Variants in PLD4 observed in about 807,000 individuals in gnomAD.
PLD4 encodes the protein phospholipase D family member 4.
In PLD4, 54 loss-of-function variants were observed where a neutral mutation model predicts 52.3. The observed-to-expected ratio is 1.03, with a 90% CI of 0.83 to 1.30. The LOEUF is 1.30. Ranked by LOEUF, PLD4 falls within the 50% of genes most tolerant of loss-of-function variation. The pLI, the probability that PLD4 is intolerant of heterozygous loss-of-function variation, is 0.00. For missense variants in PLD4, 731 were observed against 671.1 expected (o/e 1.09, Z -0.99); for synonymous variants, 264 against 286.5 (o/e 0.92, Z 0.79).
chr14:104,937,168 C>T (rs978099055), downstream of PLD4: 1 of 152,238 alleles, frequency 6.6e-6, no homozygotes, highest in African/African-American at 2.4e-5. Context: ...TTCTCTAGAG[C>T]TGCTTAGTAG....
Position 104,932,775 on chromosome 14 carries a change from C to T in PLD4, c.1332C>T (p.Asn444=), listed in dbSNP as rs757079538. The change falls in exon 11 of 11, where the codon AAC becomes AAT. Residue 444 remains asparagine (N), a synonymous_variant. Coordinates refer to ENST00000392593, the MANE Select transcript of PLD4 (RefSeq NM_138790.5). This position sits in a 1 kb window ranked among gnomAD's most constrained non-coding sequence, Gnocchi z 6.5. ...TEKAAYIGTS[N]WSEDYFSSTA... is the part of the protein sequence containing the mutation. ...CCATCCTCCCCGCAGGCACCTCCAA[C>T]TGGTCGGAGGATTACTTCAGCAGCA... 6.3e-7 allele frequency: 1 copy of T among 1,578,432 alleles called. No individual in the cohort carries two copies. The highest frequency in any genetic ancestry group is 1.7e-5 in the Admixed American group (1 of 57,284).
rs188450775 is a variant in PLD4 at position 104,931,858 on chromosome 14, C to T, written c.1029C>T (p.Phe343=). 1.3e-6 allele frequency: 2 copies of T among 1,548,972 alleles called. No individual in the cohort carries two copies. The highest frequency in any genetic ancestry group is 2.3e-5 in the East Asian group (1 of 43,420). Residue 343 remains phenylalanine, a synonymous_variant, in exon 8 of 11, where the codon TTC becomes TTT. Coordinates refer to ENST00000392593, the MANE Select transcript of PLD4 (RefSeq NM_138790.5). ...TCTATGCCTCCGTGATGGAGTATTT[C>T]CCCACCACGCGCTTCAGCCACCCCC... ...EFIYASVMEY[F]PTTRFSHPPR...
Position 104,930,116 on chromosome 14 carries a change from G to A in PLD4, c.717+11G>A. 1 of 1,613,042 alleles carries A rather than the reference G, an allele frequency of 6.2e-7. No homozygotes were observed. The highest frequency in any genetic ancestry group is 8.5e-7 in the Non-Finnish European group (1 of 1,179,890). On this transcript the variant is annotated intron_variant, in intron 6 of 10. Transcript: ENST00000392593. ...CGGTCTCTGACGCAGGTGAGTGCCA[G>A]GGCCCTAACACAGGAGGCCTGCCTG...
Position 104,932,881 on chromosome 14 carries a change from C to T in PLD4, c.1438C>T (p.Leu480Phe). The change falls in exon 11 of 11, where the codon CTC becomes TTC. Residue 480 changes from leucine to phenylalanine, a missense_variant. By Grantham distance (22) the Leu-to-Phe change is conservative (BLOSUM62 0). Coordinates refer to ENST00000392593, the MANE Select transcript of PLD4 (RefSeq NM_138790.5). This position sits in a 1 kb window ranked among gnomAD's most constrained non-coding sequence, Gnocchi z 6.5. ...GATVQEQLRQ[L>F]FERDWSSRYA... is the part of the protein sequence containing the mutation. ...CACGGTGCAGGAGCAGCTGCGGCAG[C>T]TCTTTGAGCGGGACTGGAGTTCGCG... The T allele has an allele frequency of 6.2e-7, 1 of 1,603,906 alleles. No homozygotes were observed. Among genetic ancestry groups the T allele is most frequent in the Non-Finnish European group, 8.5e-7 (1 of 1,176,148 alleles).
intron 3 of PLD4, among the ~76,000 whole-genome samples, chr14:104,928,133 C>G (rs1897519903): frequency 6.6e-6 from 1 of 152,068 alleles, no homozygotes; most frequent in African/African-American, 2.4e-5. Context: ...AGGCTCACCC[C>G]CTCAGTCCTT....
At position 104,927,765 on chromosome 14, in the gene PLD4, C is replaced by T. The variant is rs1897505868; in HGVS notation, c.183C>T (p.Gly61=). 1.3e-6 allele frequency: 2 copies of T among 1,598,480 alleles called. No individual in the cohort carries two copies. Among genetic ancestry groups the T allele is most frequent in the Admixed American group, 3.4e-5 (2 of 58,968 alleles). Residue 61 remains glycine (G), a synonymous_variant, in exon 3 of 11, where the codon GGC becomes GGT. Transcript: ENST00000392593. ...AAGTGCCCCGTCCTCCCACCTGGGG[C>T]CAGGTGCAGCCCAAGGACGTGCCCA... ...LWQVPRPPTW[G]QVQPKDVPRS... is the part of the protein sequence containing the mutation.
chr14:104,928,008 C>T (rs544728405), intron 3 of PLD4, 142 bp downstream of exon 3: 7 of 968,750 alleles, frequency 7.2e-6, no homozygotes, highest in East Asian at 5.4e-5. Flanking sequence ...GGGAGGGCCA[C>T]GACCATATGA....
downstream of PLD4, chr14:104,937,167 G>A (rs987144573): frequency 6.6e-6 from 1 of 152,250 alleles, no homozygotes; most frequent in Non-Finnish European, 1.5e-5. Context: ...GTTCTCTAGA[G>A]CTGCTTAGTA....
intron 1 of PLD4, among the ~76,000 whole-genome samples, chr14:104,926,365 C>A (rs985138632): frequency 1.3e-5 from 2 of 152,190 alleles, no homozygotes; most frequent in Non-Finnish European, 2.9e-5. Context: ...GGCAGCCTGA[C>A]TGCTTGCTTT....
intron 5 of PLD4, 64 bp from the exon 6 acceptor site, chr14:104,929,914 G>A: frequency 6.3e-7 from 1 of 1,583,532 alleles, no homozygotes; most frequent in East Asian, 2.2e-5. Context: ...CTTGGGGTCA[G>A]GCTCACCATG....
intron 3 of PLD4, among the ~76,000 whole-genome samples, chr14:104,928,419 C>A (rs1213809148): frequency 6.6e-6 from 1 of 152,212 alleles, no homozygotes; most frequent in Non-Finnish European, 1.5e-5. Flanking sequence ...GCTTCAGGAG[C>A]AGCTGCTCCC....
Position 104,931,080 on chromosome 14 carries a change from G to A in PLD4, c.918+138G>A. The A allele has an allele frequency of 3.1e-6, 3 of 974,238 alleles. No individual in the cohort carries two copies. In the South Asian group the frequency reaches 4.7e-5, roughly 15 times the overall value. The allele number at this position is 974,238 out of a possible 1,614,324, so 60.3% of individuals were successfully genotyped here. A position where few individuals can be genotyped will look rare whatever the true frequency, so the allele number is the denominator to read the frequency against. ...CCTCAGGCAGCCAGCACCATGGGTG[G>A]GGCTGTGGCCCTGGGGTGAGCAGCA... On this transcript the variant is annotated intron_variant, in intron 7 of 10. Coordinates refer to ENST00000392593, the MANE Select transcript of PLD4 (RefSeq NM_138790.5).
In PLD4 at chr14:104,932,481, C is replaced by G. The variant is rs1897689374; in HGVS notation, c.1321+126C>G. 1 of 1,116,904 alleles carries G rather than the reference C, an allele frequency of 9.0e-7. No individual in the cohort carries two copies. The highest frequency in any genetic ancestry group is 1.3e-6 in the Non-Finnish European group (1 of 781,090). 69.2% of individuals were successfully genotyped at this position (1,116,904 alleles called of 1,614,324 possible). On this transcript the variant is annotated intron_variant, in intron 10 of 10. Transcript: ENST00000392593. The surrounding 1 kb of genome is among the most constrained non-coding windows in gnomAD (Gnocchi z 6.5). ...GGCTGCTGCTGAAGGGGGACGGGGT[C>G]TCCATGGAGTTCCGGGGACCAGGCC...
intron 3 of PLD4, 114 bp downstream of exon 3, chr14:104,927,980 G>T: frequency 8.3e-7 from 1 of 1,211,784 alleles, no homozygotes. Flanking sequence ...AGCTCCTCCA[G>T]GAAGGTGCAG....
chr14:104,926,513 G>A (rs1214434234), intron 1 of PLD4, among the ~76,000 whole-genome samples: 1 of 152,146 alleles, frequency 6.6e-6, no homozygotes, highest in East Asian at 1.9e-4. Context: ...CAGCAGTAGG[G>A]GTCCCACTCT....
In PLD4 at chr14:104,932,778, G is replaced by GTGGAT; in HGVS notation, c.1336_1337insGGATT (p.Ser446TrpfsTer118). 1 of 1,584,762 alleles carries GTGGAT rather than the reference G, an allele frequency of 6.3e-7. No homozygotes were observed. Among genetic ancestry groups the GTGGAT allele is most frequent in the Non-Finnish European group, 8.6e-7 (1 of 1,163,518 alleles). On this transcript the variant is annotated frameshift_variant, in exon 11 of 11. Transcript: ENST00000392593. LOFTEE classifies it low-confidence loss of function (END_TRUNC). The surrounding 1 kb of genome is among the most constrained non-coding windows in gnomAD (Gnocchi z 6.5). Reference sequence around the variant, plus strand: ...TCCTCCCCGCAGGCACCTCCAACTGGTCGGAGGATTACTTCAGCAGCACGG... The same window carrying GTGGAT: ...TCCTCCCCGCAGGCACCTCCAACTGGTGGATTCGGAGGATTACTTCAGCAGCACGG...
Position 104,933,089 on chromosome 14 carries a change from GACCGCCCGGGCGTCGCAA to G in PLD4, c.*134_*151del, listed in dbSNP as rs1259464851. 3 of 1,175,350 alleles carry G rather than the reference GACCGCCCGGGCGTCGCAA, an allele frequency of 2.6e-6. No individual in the cohort carries two copies. Among genetic ancestry groups the G allele is most frequent in the Non-Finnish European group, 3.4e-6 (3 of 882,722 alleles). The allele number at this position is 1,175,350 out of a possible 1,614,324, so 72.8% of individuals were successfully genotyped here. On this transcript the variant is annotated 3_prime_UTR_variant, in exon 11 of 11. Transcript: ENST00000392593. Reference sequence around the variant, plus strand: ...CCGCACTGCGCCAGGAGCCGCCTGCGACCGCCCGGGCGTCGCAAACCGCCCGCCTGCTCTCTGATTTCC... The same window carrying G: ...CCGCACTGCGCCAGGAGCCGCCTGCGACCGCCCGCCTGCTCTCTGATTTCC...
In PLD4 at chr14:104,926,875, C is replaced by T. The variant is rs1182318177; in HGVS notation, c.1-266C>T. 3.9e-5 allele frequency among the ~76,000 whole-genome samples: 6 copies of T among 152,330 alleles called. No individual in the cohort carries two copies. In the East Asian group the frequency reaches 9.7e-4, roughly 25 times the overall value. The stretch of plus-strand genomic sequence containing the variant: ...TTGGCCCAGGCTCAGCCCTGGGGAC[C>T]GCCTTAACAGCAGTCCTTCCGGCTT... On this transcript the variant is annotated intron_variant, in intron 1 of 10. Transcript: ENST00000392593.
chr14:104,929,340 C>A lies in PLD4; in HGVS notation c.502C>A (p.Leu168Met). 6.3e-7 allele frequency: 1 copy of A among 1,576,160 alleles called. No homozygotes were observed. Among genetic ancestry groups the A allele is most frequent in the Admixed American group, 1.8e-5 (1 of 54,522 alleles). The change falls in exon 5 of 11, where the codon CTG (leucine) becomes ATG (methionine). Residue 168 changes from leucine to methionine, a missense_variant. Leu to Met is a conservative substitution (Grantham distance 15). Transcript: ENST00000392593. Reference protein sequence around the residue: ...EALLQKLQQLLGRNISLAVAT... With the variant: ...EALLQKLQQLMGRNISLAVAT... ...TCTTCTGCAGAAGCTGCAGCAGCTG[C>A]TGGGCAGGAACATTTCCCTGGCTGT...
Sources: allele counts gnomAD v4.1 joint callset (sites outside exome capture counted in the v4.1 genomes callset), GRCh38; gene constraint gnomAD v4.1.1; non-coding constraint Gnocchi (gnomAD v3.1); transcripts MANE v1.5; gene names NCBI Gene and HGNC (gene_info 2026-07-23, HGNC 2026-07-21).